PRKAR1B: variants seen among roughly 807,000 people sequenced by gnomAD.
The protein encoded by PRKAR1B is cAMP-dependent protein kinase type I-beta regulatory subunit.
A neutral mutation model predicts 46.5 loss-of-function variants in PRKAR1B; 22 were observed. That is an observed-to-expected ratio of 0.47 (90% CI 0.34 to 0.68). The LOEUF (loss-of-function observed/expected upper bound fraction) is 0.68. Among genes scored for constraint, PRKAR1B ranks in the 30% least tolerant of loss-of-function variants. PRKAR1B has a pLI of 0.01. For synonymous variants in PRKAR1B, 259 were observed against 217.7 expected (o/e 1.19, Z -1.67); for missense variants, 445 against 535.6 (o/e 0.83, Z 1.67).
At chr7:640,934 G>A (rs1784355144) in intron 4 of PRKAR1B, among the ~76,000 whole-genome samples, 1 of 152,122 alleles carries the variant, frequency 6.6e-6, no homozygotes, top group Non-Finnish European at 1.5e-5. Context: ...ATGCAAAATG[G>A]TGCAGCCACT....
intron 8 of PRKAR1B, among the ~76,000 whole-genome samples, chr7:581,849 G>A (rs1289068396): frequency 1.3e-5 from 2 of 151,982 alleles, no homozygotes; most frequent in African/African-American, 4.8e-5. Flanking sequence ...CCAAAGTGCT[G>A]GAATTACAGA....
Position 550,396 on chromosome 7 carries a change from C to G in PRKAR1B, c.*34G>C. ...AGACGAGCAGGGCACGGCCACCACACTGGGGAGCTGGGGCTGCAGGGCGGG... is the reference window on the plus strand; with the variant it reads ...AGACGAGCAGGGCACGGCCACCACAGTGGGGAGCTGGGGCTGCAGGGCGGG... On this transcript the variant is annotated 3_prime_UTR_variant, in exon 11 of 11. Transcript: ENST00000537384. The G allele has an allele frequency of 1.9e-6, 3 of 1,562,736 alleles. No individual in the cohort carries two copies. The highest frequency in any genetic ancestry group is 1.7e-6 in the Non-Finnish European group (2 of 1,153,292).
intron 2 of PRKAR1B, among the ~76,000 whole-genome samples, chr7:683,595 T>C (rs1778823093): frequency 6.6e-6 from 1 of 152,228 alleles, no homozygotes; most frequent in South Asian, 2.1e-4. Flanking sequence ...TCCTGCTGAA[T>C]GCCAGCCGCC....
At position 607,686 on chromosome 7, in the gene PRKAR1B, C is replaced by T. The variant is rs562330172; in HGVS notation, c.441-234G>A. 2.6e-5 allele frequency among the ~76,000 whole-genome samples: 4 copies of T among 152,358 alleles called. 1 individual carries two copies. The highest frequency in any genetic ancestry group is 6.8e-3 in the Middle Eastern group (2 of 294). On this transcript the variant is annotated intron_variant, in intron 4 of 10. Transcript: ENST00000537384. ...GCCCCATTTCTGTTCTGTGCACAGACGCAGTTTGCTGTTTTGGTTTTTACA... is the reference window on the plus strand; with the variant it reads ...GCCCCATTTCTGTTCTGTGCACAGATGCAGTTTGCTGTTTTGGTTTTTACA...
chr7:633,723 C>G (rs1240247798), intron 4 of PRKAR1B, among the ~76,000 whole-genome samples: 1 of 152,180 alleles, frequency 6.6e-6, no homozygotes, highest in African/African-American at 2.4e-5. Context: ...CGCCTGGCCT[C>G]CCAGGTTCCT....
intron 4 of PRKAR1B, among the ~76,000 whole-genome samples, chr7:659,448 G>C (rs1268163597): frequency 6.6e-6 from 1 of 152,220 alleles, no homozygotes; most frequent in Non-Finnish European, 1.5e-5. Context: ...GACCACGAAA[G>C]GGGGAGAGGA....
At chr7:571,249 C>A (rs1216227624) in intron 9 of PRKAR1B, among the ~76,000 whole-genome samples, 1 of 152,150 alleles carries the variant, frequency 6.6e-6, no homozygotes, top group Non-Finnish European at 1.5e-5. Flanking sequence ...CCGGGTCTGT[C>A]CGAGACCCCA....
chr7:688,095 CA>C (rs762256783), intron 2 of PRKAR1B, among the ~76,000 whole-genome samples: 5,233 of 34,168 alleles, frequency 0.15, 88 homozygotes, highest in African/African-American at 0.19. Flanking sequence ...CACTCCACCT[CA>C]AAAAAAAAAA....
chr7:650,595 C>A (rs185267529), intron 4 of PRKAR1B, among the ~76,000 whole-genome samples: 18 of 152,354 alleles, frequency 1.2e-4, no homozygotes, highest in African/African-American at 4.1e-4. Context: ...GCCATTGCCA[C>A]CCGAACAGCG....
At chr7:678,591 C>T (rs1000968836) in intron 3 of PRKAR1B, among the ~76,000 whole-genome samples, 3 of 152,356 alleles carry the variant, frequency 2.0e-5, no homozygotes, top group East Asian at 1.9e-4. Context: ...AATGAAACCA[C>T]GCAGGAAGGT....
intron 7 of PRKAR1B, among the ~76,000 whole-genome samples, chr7:585,275 A>G (rs9770123): frequency 0.63 from 96,243 of 152,030 alleles, 31,338 homozygotes; most frequent in East Asian, 0.84. Flanking sequence ...CTAGGCAGTC[A>G]GCTCCAGCCT....
chr7:598,321 C>T (rs550392174), intron 6 of PRKAR1B, among the ~76,000 whole-genome samples: 213 of 138,164 alleles, frequency 1.5e-3, no homozygotes, highest in Middle Eastern at 3.7e-3. Flanking sequence ...TAAACACCAT[C>T]GCCCTCACTC....
intron 4 of PRKAR1B, among the ~76,000 whole-genome samples, chr7:654,402 C>T (rs1162253332): frequency 6.6e-6 from 1 of 151,578 alleles, no homozygotes; most frequent in East Asian, 1.9e-4. Flanking sequence ...CTATCATTGC[C>T]ATCTTCATCA....
At chr7:641,062 C>A (rs1034835168) in intron 4 of PRKAR1B, among the ~76,000 whole-genome samples, 21 of 152,082 alleles carry the variant, frequency 1.4e-4, no homozygotes, top group African/African-American at 4.8e-4. Context: ...ACGCCATTCT[C>A]CTGCCTCTGC....
intron 3 of PRKAR1B, 69 bp from the exon 4 acceptor site, chr7:677,389 C>T: frequency 7.8e-7 from 1 of 1,277,132 alleles, no homozygotes; most frequent in Non-Finnish European, 1.1e-6. Context: ...CCTGAAATCT[C>T]CCTACTCCAC....
intron 6 of PRKAR1B, among the ~76,000 whole-genome samples, chr7:596,929 T>C (rs994670598): frequency 1.0e-4 from 16 of 152,388 alleles, no homozygotes; most frequent in Admixed American, 9.8e-4. Flanking sequence ...GGGCGCCCTA[T>C]GGCTGGGCGC....
At chr7:617,413 TC>T (rs1365727031) in intron 4 of PRKAR1B, among the ~76,000 whole-genome samples, 1 of 150,612 alleles carries the variant, frequency 6.6e-6, no homozygotes. Context: ...CAAGCGATCC[TC>T]CTGCCTTAGC....
At chr7:571,848 G>A (rs940136409) in intron 9 of PRKAR1B, among the ~76,000 whole-genome samples, 2 of 152,230 alleles carry the variant, frequency 1.3e-5, no homozygotes, top group South Asian at 2.1e-4. Context: ...GCGGTGAGGT[G>A]ACGGAACAGC....
At chr7:655,354 C>G (rs942337855) in intron 4 of PRKAR1B, among the ~76,000 whole-genome samples, 15 of 152,194 alleles carry the variant, frequency 9.9e-5, no homozygotes, top group African/African-American at 3.6e-4. Flanking sequence ...CTTGGACAAC[C>G]AGGCATGCCC....
Sources: gnomAD v4.1 joint callset for allele counts (sites outside exome capture counted in the v4.1 genomes callset) on GRCh38, gnomAD v4.1.1 for gene constraint, MANE v1.5 for transcripts, NCBI Gene and HGNC (gene_info 2026-07-23, HGNC 2026-07-21) for gene names.